Variants in CDHR3 observed in about 807,000 individuals in gnomAD.
CDHR3 encodes the protein cadherin-related family member 3.
Under a neutral mutation model 86.6 loss-of-function variants are expected in CDHR3, and 79 were observed. The observed-to-expected ratio is 0.91, with a 90% CI of 0.76 to 1.10. The LOEUF (loss-of-function observed/expected upper bound fraction) is 1.10, where lower values mean the gene tolerates loss of function less well. Ranked by LOEUF, CDHR3 falls within the 50% of genes least tolerant of loss-of-function variation. The probability of loss-of-function intolerance (pLI) is 0.00; values close to 1 mark genes in which losing one functional copy is unlikely to be tolerated. For synonymous variants in CDHR3, 421 were observed against 402.4 expected, an observed-to-expected ratio of 1.05 and a Z score of -0.55; for missense variants, 1,081 against 1,077.6, an observed-to-expected ratio of 1.00 and a Z score of -0.04.
intron 10 of CDHR3, 120 bp downstream of exon 10, chr7:106,015,333 G>A: frequency 1.3e-6 from 1 of 776,234 alleles, no homozygotes; most frequent in Non-Finnish European, 2.0e-6. Flanking sequence ...CCCTCATGCG[G>A]GGACCCCCTC....
At chr7:106,018,201 A>G in intron 12 of CDHR3, 129 bp downstream of exon 12, 1 of 694,436 alleles carries the variant, frequency 1.4e-6, no homozygotes. Flanking sequence ...GTGGTGAGAA[A>G]CAAGTAAAGG....
intron 14 of CDHR3, 21 bp from the exon 15 acceptor site, chr7:106,024,360 C>T: frequency 6.2e-7 from 1 of 1,611,984 alleles, no homozygotes; most frequent in East Asian, 2.2e-5. Flanking sequence ...TACTCACCCT[C>T]CCTGCTCTCT....
In CDHR3 at chr7:106,034,112, TGGGGA is replaced by T. The variant is rs1277506592; in HGVS notation, c.*1416_*1420del. 6.6e-6 allele frequency among the ~76,000 whole-genome samples: 1 copy of T among 152,164 alleles called. No individual in the cohort carries two copies. The highest frequency in any genetic ancestry group is 1.5e-5 in the Non-Finnish European group (1 of 68,034). On this transcript the variant is annotated 3_prime_UTR_variant, in exon 19 of 19. Transcript: ENST00000317716. ...TTGGAAGGAACTGCAGGACTCTGAG[TGGGGA>T]CATACTGGAAGCCCCATCTAGACAT...
chr7:106,010,462 A>G (rs759997068), intron 8 of CDHR3, among the ~76,000 whole-genome samples: 1 of 152,224 alleles, frequency 6.6e-6, no homozygotes, highest in Non-Finnish European at 1.5e-5. Flanking sequence ...ACATTGTGCA[A>G]TCAAGGCAGG....
rs1176018849 is a variant in CDHR3 at position 106,013,084 on chromosome 7, T to C, written c.1224+53T>C. On this transcript the variant is annotated intron_variant, in intron 9 of 18. Transcript: ENST00000317716. ...AAGGGCATCGGGAATTGGTCCAACA[T>C]GCATCATGCTTTTGCTGCCCCATAG... The C allele has an allele frequency of 3.4e-6, 5 of 1,484,076 alleles. No homozygotes were observed. In the African/African-American group the frequency reaches 5.6e-5, roughly 17 times the overall value. 91.9% of individuals were successfully genotyped at this position (1,484,076 alleles called of 1,614,324 possible).
intron 1 of CDHR3, among the ~76,000 whole-genome samples, chr7:105,966,143 C>T (rs1051429708): frequency 5.9e-5 from 9 of 152,166 alleles, no homozygotes; most frequent in African/African-American, 2.2e-4. Context: ...CATCTGGCTC[C>T]ATCAGTCCCA....
chr7:105,984,039 A>G (rs1830171903), intron 3 of CDHR3, among the ~76,000 whole-genome samples, 153 bp from the exon 4 acceptor site: 2 of 152,210 alleles, frequency 1.3e-5, no homozygotes. Flanking sequence ...AAAGTTGGCC[A>G]GTGGTCTTGC....
In CDHR3 at chr7:106,033,854, C is replaced by A. The variant is rs1378331636; in HGVS notation, c.*1157C>A. On this transcript the variant is annotated 3_prime_UTR_variant, in exon 19 of 19. Transcript: ENST00000317716. ...ATATCTAAGAGTGGGATTGCTGGAG[C>A]AATTGCTGGATCTGCCAAAGAGTTC... 6.6e-6 allele frequency: 1 copy of A among 152,180 alleles called. No individual in the cohort carries two copies. The highest frequency in any genetic ancestry group is 2.4e-5 in the African/African-American group (1 of 41,444). 9.4% of individuals were successfully genotyped at this position (152,180 alleles called of 1,614,324 possible).
chr7:106,016,101 A>C, intron 11 of CDHR3, 76 bp downstream of exon 11: 1 of 967,994 alleles, frequency 1.0e-6, no homozygotes. Context: ...GGAGTGGAAA[A>C]CTCCCTTCTG....
At chr7:106,027,757 G>T in intron 16 of CDHR3, 1 of 405,208 alleles carries the variant, frequency 2.5e-6, no homozygotes, top group Non-Finnish European at 4.9e-6. Context: ...GATTATAGTG[G>T]TTATTGATCA....
intron 12 of CDHR3, 139 bp downstream of exon 12, chr7:106,018,211 G>A (rs762369076): frequency 3.0e-6 from 2 of 664,860 alleles, no homozygotes; most frequent in Non-Finnish European, 5.1e-6. Context: ...ACAAGTAAAG[G>A]TGCCCTGGGA....
intron 9 of CDHR3, among the ~76,000 whole-genome samples, chr7:106,014,159 C>T (rs189894583): frequency 2.6e-5 from 4 of 152,190 alleles, no homozygotes; most frequent in Admixed American, 6.5e-5. Context: ...TTTTCTCAAG[C>T]TCCTGGTCTC....
rs142878639 is a variant in CDHR3 at position 105,977,447 on chromosome 7, C to A, written c.249+2401C>A. On this transcript the variant is annotated intron_variant, in intron 2 of 18. Coordinates refer to ENST00000317716, the MANE Select transcript of CDHR3 (RefSeq NM_152750.5). Reference sequence around the variant, plus strand: ...CTAGAAATGGCAGATTGCTTAGCACCTCAACTCATCTAGGCTCAAGTGTTT... The same window carrying A: ...CTAGAAATGGCAGATTGCTTAGCACATCAACTCATCTAGGCTCAAGTGTTT... Among the ~76,000 whole-genome samples, 248 of 152,298 alleles carry A rather than the reference C, an allele frequency of 1.6e-3. 1 individual carries two copies. The highest frequency in any genetic ancestry group is 5.7e-3 in the African/African-American group (238 of 41,554).
intron 8 of CDHR3, among the ~76,000 whole-genome samples, chr7:106,006,968 C>CA (rs1181992061): frequency 6.6e-6 from 1 of 152,252 alleles, no homozygotes; most frequent in African/African-American, 2.4e-5. Context: ...CAGGCATTTC[C>CA]ATACATCCTC....
intron 5 of CDHR3, 104 bp downstream of exon 5, chr7:105,994,949 C>T (rs1831956592): frequency 2.4e-6 from 2 of 846,026 alleles, no homozygotes; most frequent in African/African-American, 1.7e-5. Context: ...GGGGGAGCCC[C>T]TTGAGCAGTC....
At chr7:106,016,167 C>A in intron 11 of CDHR3, 142 bp downstream of exon 11, 1 of 591,542 alleles carries the variant, frequency 1.7e-6, no homozygotes, top group South Asian at 2.2e-5. Flanking sequence ...ATTTATTGCA[C>A]CTCTTATTTC....
At position 106,030,835 on chromosome 7, in the gene CDHR3, A is replaced by G. The variant is rs1412950307; in HGVS notation, c.2348A>G (p.Asp783Gly). Residue 783 changes from aspartate to glycine, a missense_variant, in exon 18 of 19, where the codon GAT (aspartate) becomes GGT (glycine). By Grantham distance (94) the Asp-to-Gly change is moderately conservative. Transcript: ENST00000317716. This position sits in a 1 kb window ranked among gnomAD's most constrained non-coding sequence, Gnocchi z 4.8. ...MNTIFDGEAI[D>G]PVTGETYEFN... The stretch of plus-strand genomic sequence containing the variant: ...ACTATCTTTGATGGAGAAGCCATAG[A>G]TCCAGGTAATTAAGTGGCAATACCA... 1 of 1,610,618 alleles carries G rather than the reference A, an allele frequency of 6.2e-7. No individual in the cohort carries two copies. The highest frequency in any genetic ancestry group is 1.3e-5 in the African/African-American group (1 of 74,908).
Position 106,004,649 on chromosome 7 carries a change from C to T in CDHR3, c.1014C>T (p.Val338=), listed in dbSNP as rs1563273717. Residue 338 remains valine, a synonymous_variant, in exon 8 of 19, where the codon GTC becomes GTT. Coordinates refer to ENST00000317716, the MANE Select transcript of CDHR3 (RefSeq NM_152750.5). ...AGATAACCTTCATTGTGGAAGACGT[C>T]AACGACAATCCTGCCACATGCCAAA... ...RIQITFIVED[V]NDNPATCQKF... 1 of 1,614,024 alleles carries T rather than the reference C, an allele frequency of 6.2e-7. No individual in the cohort carries two copies.
chr7:105,977,229 C>T (rs774416418), intron 2 of CDHR3, among the ~76,000 whole-genome samples: 10 of 152,254 alleles, frequency 6.6e-5, no homozygotes, highest in Middle Eastern at 3.4e-3. Context: ...ATCACATAGC[C>T]GTAAAAGGTG....
Sources: gnomAD v4.1 joint callset for allele counts (sites outside exome capture counted in the v4.1 genomes callset) on GRCh38, gnomAD v4.1.1 for gene constraint, Gnocchi (gnomAD v3.1) non-coding constraint, MANE v1.5 for transcripts, NCBI Gene and HGNC (gene_info 2026-07-23, HGNC 2026-07-21) for gene names.